The following TELO2 variants were observed in gnomAD, a reference collection of about 807,000 sequenced individuals.
The protein encoded by TELO2 is telomere maintenance 2.
A neutral mutation model predicts 91.0 loss-of-function variants in TELO2; 71 were observed. That is an observed-to-expected ratio of 0.78 (90% CI 0.64 to 0.95). The LOEUF is 0.95. Ranked by LOEUF, TELO2 falls within the 40% of genes least tolerant of loss-of-function variation. The pLI is 0.00. For missense variants in TELO2, 1,183 were observed against 1,141.3 expected (o/e 1.04, Z -0.53); for synonymous variants, 584 against 518.9 (o/e 1.13, Z -1.71).
chr16:1,503,079 C>T, intron 15 of TELO2, 77 bp downstream of exon 15: 5 of 1,537,940 alleles, frequency 3.3e-6, no homozygotes, highest in Non-Finnish European at 4.4e-6. Flanking sequence ...ACCTGGGTCT[C>T]CTTGTTGCTG....
intron 12 of TELO2, 28 bp from the exon 13 acceptor site, chr16:1,502,285 G>T: frequency 1.3e-6 from 2 of 1,581,968 alleles, no homozygotes; most frequent in South Asian, 2.3e-5. Context: ...GGCTGAGGCT[G>T]ACCGAGGCCT....
chr16:1,508,420 CGCGCCCGG>C (rs1178164665), intron 20 of TELO2, among the ~76,000 whole-genome samples: 1 of 152,212 alleles, frequency 6.6e-6, no homozygotes, highest in Non-Finnish European at 1.5e-5. Flanking sequence ...CGTGAGCCAC[CGCGCCCGG>C]CCAGTCCCAG....
Position 1,493,773 on chromosome 16 carries a change from C to A in TELO2, c.-37+168C>A, listed in dbSNP as rs1321510762. On this transcript the variant is annotated intron_variant, in intron 1 of 20. Transcript: ENST00000262319. The surrounding 1 kb of genome is among the most constrained non-coding windows in gnomAD (Gnocchi z 4.3). ...GGGTCCGCGTGCGGCTCCTCTAGCC[C>A]CGAACCCGTGTTCCCCGTAAGCTGT... Among the ~76,000 whole-genome samples, 2 of 152,216 alleles carry A rather than the reference C, an allele frequency of 1.3e-5. No individual in the cohort carries two copies. Among genetic ancestry groups the A allele is most frequent in the Admixed American group, 6.5e-5 (1 of 15,286 alleles).
At chr16:1,502,574 TGTGAGCCTCG>T in intron 13 of TELO2, 61 bp from the exon 14 acceptor site, 1 of 1,563,052 alleles carries the variant, frequency 6.4e-7, no homozygotes, top group Non-Finnish European at 8.7e-7. Flanking sequence ...GCTCCGGCCC[TGTGAGCCTCG>T]GTGAGGCCTC....
In TELO2 at chr16:1,502,381, A is replaced by T. The variant is rs547173216; in HGVS notation, c.1630A>T (p.Arg544Trp). The change falls in exon 13 of 21, where the codon AGG becomes TGG. Residue 544 changes from arginine to tryptophan, a missense_variant. Physicochemically the swap from Arg to Trp is moderately radical, Grantham distance 101. Transcript: ENST00000262319. ...ALRALEGLVY[R>W]SPTATREVSV... ...GCGGGCCCTTGAGGGCCTGGTCTACAGGAGCCCCACAGCCACTCGGGAGGT... is the reference window on the plus strand; with the variant it reads ...GCGGGCCCTTGAGGGCCTGGTCTACTGGAGCCCCACAGCCACTCGGGAGGT... 6 of 1,602,280 alleles carry T rather than the reference A, an allele frequency of 3.7e-6. No individual in the cohort carries two copies. The highest frequency in any genetic ancestry group is 1.7e-5 in the Admixed American group (1 of 58,820).
chr16:1,506,665 C>T (rs2039903930), intron 17 of TELO2: 46 of 1,372,098 alleles, frequency 3.4e-5, no homozygotes, highest in Non-Finnish European at 4.1e-5. Flanking sequence ...ACGTTCAGGG[C>T]GTGAGGCTCT....
chr16:1,507,157 C>T (rs2039926835), intron 18 of TELO2, 106 bp downstream of exon 18: 2 of 1,487,494 alleles, frequency 1.3e-6, no homozygotes, highest in Admixed American at 2.0e-5. Flanking sequence ...GAGGGGCTGC[C>T]TGTGTGGGCC....
At position 1,506,235 on chromosome 16, in the gene TELO2, C is replaced by A; in HGVS notation, c.2035-3C>A. Reference sequence around the variant, plus strand: ...CCGTGATCGCTGTAGTTGTGTCTGGCAGGGTGGCCCGAGGCAGGGCCCGGC... The same window carrying A: ...CCGTGATCGCTGTAGTTGTGTCTGGAAGGGTGGCCCGAGGCAGGGCCCGGC... On this transcript the variant is annotated splice_region_variant and splice_polypyrimidine_tract_variant and intron_variant, in intron 16 of 20. Coordinates refer to ENST00000262319, the MANE Select transcript of TELO2 (RefSeq NM_016111.4). 1 of 1,613,516 alleles carries A rather than the reference C, an allele frequency of 6.2e-7. No individual in the cohort carries two copies. Among genetic ancestry groups the A allele is most frequent in the African/African-American group, 1.3e-5 (1 of 75,060 alleles).
In TELO2 at chr16:1,507,674, G is replaced by T; in HGVS notation, c.2365G>T (p.Asp789Tyr). 2 of 1,603,992 alleles carry T rather than the reference G, an allele frequency of 1.2e-6. No homozygotes were observed. Among genetic ancestry groups the T allele is most frequent in the Non-Finnish European group, 1.7e-6 (2 of 1,179,724 alleles). The change falls in exon 20 of 21, where the codon GAC (aspartate) becomes TAC (tyrosine). Residue 789 changes from aspartate to tyrosine, a missense_variant. Physicochemically the swap from Asp to Tyr is radical, Grantham distance 160. Transcript: ENST00000262319. Reference sequence around the variant, plus strand: ...CCTGCCTGCTGCGCGCCTGCTGGAGGACCTGATGGACGAGCTGCTGGAAGC... The same window carrying T: ...CCTGCCTGCTGCGCGCCTGCTGGAGTACCTGATGGACGAGCTGCTGGAAGC... ...LSLPAARLLE[D>Y]LMDELLEARS...
Position 1,502,387 on chromosome 16 carries a change from C to T in TELO2, c.1636C>T (p.Pro546Ser), listed in dbSNP as rs1048818558. The T allele has an allele frequency of 6.9e-6, 11 of 1,601,178 alleles. No individual in the cohort carries two copies. Among genetic ancestry groups the T allele is most frequent in the African/African-American group, 2.7e-5 (2 of 74,816 alleles). ...CCTTGAGGGCCTGGTCTACAGGAGC[C>T]CCACAGCCACTCGGGAGGTGAGTGG... ...RALEGLVYRS[P>S]TATREVSVEL... Residue 546 changes from proline (P) to serine (S), a missense_variant, in exon 13 of 21, where the codon CCC (proline) becomes TCC (serine). By Grantham distance (74) the Pro-to-Ser change is moderately conservative (BLOSUM62 -1). Coordinates refer to ENST00000262319, the MANE Select transcript of TELO2 (RefSeq NM_016111.4).
Position 1,507,584 on chromosome 16 carries a change from C to T in TELO2, c.2292-17C>T, listed in dbSNP as rs777363949. ...TGTGGTCCCTGCCGAGCTCAGCCCC[C>T]GCCTTCTTGCCGGCAGCTACGTGCG... is the stretch of plus-strand genomic sequence containing the variant. On this transcript the variant is annotated splice_polypyrimidine_tract_variant and intron_variant, in intron 19 of 20. Transcript: ENST00000262319. 1.7e-4 allele frequency: 263 copies of T among 1,570,178 alleles called. No homozygotes were observed. The highest frequency in any genetic ancestry group is 6.5e-4 in the South Asian group (57 of 87,144).
At position 1,494,314 on chromosome 16, in the gene TELO2, C is replaced by G. The variant is rs754870591; in HGVS notation, c.33C>G (p.Ala11=). 2 of 1,613,258 alleles carry G rather than the reference C, an allele frequency of 1.2e-6. No individual in the cohort carries two copies. The highest frequency in any genetic ancestry group is 1.7e-6 in the Non-Finnish European group (2 of 1,179,952). The stretch of plus-strand genomic sequence containing the variant: ...CAGCACCCTCAGAGGTTCGACTCGC[C>G]GTCCGGGAAGCCATTCATGCCCTCT... The part of the protein sequence containing the change: MEPAPSEVRL[A]VREAIHALSS... Residue 11 remains alanine, a synonymous_variant, in exon 2 of 21, where the codon GCC becomes GCG. Coordinates refer to ENST00000262319, the MANE Select transcript of TELO2 (RefSeq NM_016111.4). This position sits in a 1 kb window ranked among gnomAD's most constrained non-coding sequence, Gnocchi z 5.6.
At chr16:1,496,647 G>A (rs2141021862) in intron 3 of TELO2, among the ~76,000 whole-genome samples, 1 of 152,272 alleles carries the variant, frequency 6.6e-6, no homozygotes. Context: ...CTCCTTCCCT[G>A]TGGGCGGCCG....
intron 13 of TELO2, 46 bp downstream of exon 13, chr16:1,502,450 C>T (rs771391859): frequency 7.7e-6 from 12 of 1,553,686 alleles, no homozygotes; most frequent in Non-Finnish European, 1.0e-5. Context: ...GATGGTAGCT[C>T]CCTCAATGCC....
At chr16:1,504,512 AAAAG>A (rs2039815929) in intron 15 of TELO2, among the ~76,000 whole-genome samples, 1 of 150,750 alleles carries the variant, frequency 6.6e-6, no homozygotes. Context: ...AATAAAGCAA[AAAAG>A]ACTGAGAACA....
Position 1,497,203 on chromosome 16 carries a change from G to A in TELO2, c.682+99G>A. 6.5e-7 allele frequency: 1 copy of A among 1,539,712 alleles called. No individual in the cohort carries two copies. Among genetic ancestry groups the A allele is most frequent in the Non-Finnish European group, 8.8e-7 (1 of 1,132,182 alleles). On this transcript the variant is annotated intron_variant, in intron 4 of 20. Coordinates refer to ENST00000262319, the MANE Select transcript of TELO2 (RefSeq NM_016111.4). This position sits in a 1 kb window ranked among gnomAD's most constrained non-coding sequence, Gnocchi z 4.0. ...GAATCCCTCCTGACCCTGGCCCTCT[G>A]CAGGGTCCCCTTGCCCGGTCCTGTC...
rs2040083202 is a variant in TELO2, at chr16:1,510,100, G to A, written c.*164G>A. ...GGCCCGGCCTGCCGCTATTTATAGT[G>A]CAGCCAGTCCGCTAAAAATACACTG... On this transcript the variant is annotated 3_prime_UTR_variant, in exon 21 of 21. Coordinates refer to ENST00000262319, the MANE Select transcript of TELO2 (RefSeq NM_016111.4). 1 of 627,422 alleles carries A rather than the reference G, an allele frequency of 1.6e-6. No homozygotes were observed. The highest frequency in any genetic ancestry group is 2.8e-6 in the Non-Finnish European group (1 of 361,258). 38.9% of individuals were successfully genotyped at this position (627,422 alleles called of 1,614,324 possible).
intron 20 of TELO2, among the ~76,000 whole-genome samples, chr16:1,509,421 G>A (rs563335988): frequency 6.6e-6 from 1 of 152,330 alleles, no homozygotes; most frequent in East Asian, 1.9e-4. Flanking sequence ...CTCTGGCAGT[G>A]TGCGGTCCCA....
At chr16:1,509,634 ACAGTGCTGC>A in intron 20 of TELO2, among the ~76,000 whole-genome samples, 187 bp from the exon 21 acceptor site, 2 of 152,258 alleles carry the variant, frequency 1.3e-5, no homozygotes, top group East Asian at 1.9e-4. Context: ...CCCTCCATGT[ACAGTGCTGC>A]CTGCACAGAG....
Sources: allele counts gnomAD v4.1 joint callset (sites outside exome capture counted in the v4.1 genomes callset), GRCh38; gene constraint gnomAD v4.1.1; non-coding constraint Gnocchi (gnomAD v3.1); transcripts MANE v1.5; gene names NCBI Gene and HGNC (gene_info 2026-07-23, HGNC 2026-07-21).